Variants in RASSF5 observed in about 807,000 individuals in gnomAD.
RASSF5 encodes the protein ras association domain-containing protein 5.
Under a neutral mutation model 40.5 loss-of-function variants are expected in RASSF5, and 25 were observed. The ratio of observed to expected loss-of-function variants is 0.62; its 90% CI spans 0.45 to 0.86. The LOEUF (loss-of-function observed/expected upper bound fraction) is 0.86. Among genes scored for constraint, RASSF5 ranks in the 40% least tolerant of loss-of-function variants. RASSF5 has a pLI of 0.00. For missense variants in RASSF5, 521 were observed against 572.8 expected, an observed-to-expected ratio of 0.91 and a Z score of 0.92; for synonymous variants, 246 against 252.4, an observed-to-expected ratio of 0.97 and a Z score of 0.24.
chr1:206,547,978 A>G (rs1246548961), intron 2 of RASSF5, among the ~76,000 whole-genome samples: 1 of 151,948 alleles, frequency 6.6e-6, no homozygotes, highest in Non-Finnish European at 1.5e-5. Flanking sequence ...TCAACTTTCC[A>G]TGTCTGAAAA....
intron 2 of RASSF5, among the ~76,000 whole-genome samples, chr1:206,541,174 T>G (rs1667536834): frequency 6.6e-6 from 1 of 152,168 alleles, no homozygotes; most frequent in South Asian, 2.1e-4. Context: ...GGATTACAGG[T>G]GTGAGCCACT....
chr1:206,538,237 G>C lies in RASSF5; in HGVS notation c.523G>C (p.Gly175Arg). 6.2e-7 allele frequency: 1 copy of C among 1,614,164 alleles called. No individual in the cohort carries two copies. Among genetic ancestry groups the C allele is most frequent in the Non-Finnish European group, 8.5e-7 (1 of 1,180,032 alleles). Residue 175 changes from glycine (G) to arginine (R), a missense_variant, in exon 2 of 6, where the codon GGT becomes CGT. Gly to Arg is a moderately radical substitution (Grantham distance 125). Coordinates refer to ENST00000579436, the MANE Select transcript of RASSF5 (RefSeq NM_182663.4). ...CCAGTTGGACTGCAGTCAGCAGGAGGGTTTATCCCGGGACAGACCCTCTCC... is the reference window on the plus strand; with the variant it reads ...CCAGTTGGACTGCAGTCAGCAGGAGCGTTTATCCCGGGACAGACCCTCTCC... ...LIQLDCSQQE[G>R]LSRDRPSPES...
At chr1:206,508,123 G>A (rs1666513596) in intron 1 of RASSF5, 64 bp downstream of exon 1, 1 of 1,228,042 alleles carries the variant, frequency 8.1e-7, no homozygotes, top group African/African-American at 1.6e-5. Flanking sequence ...AGGACTGGGA[G>A]GGCCCTGGGG....
intron 2 of RASSF5, among the ~76,000 whole-genome samples, chr1:206,541,491 G>C (rs1177278993): frequency 1.3e-5 from 2 of 152,152 alleles, no homozygotes; most frequent in African/African-American, 4.8e-5. Flanking sequence ...ATCGGAAACA[G>C]GCATCAGAAA....
At chr1:206,510,389 T>A (rs1553394477) in intron 1 of RASSF5, among the ~76,000 whole-genome samples, 1 of 152,172 alleles carries the variant, frequency 6.6e-6, no homozygotes, top group African/African-American at 2.4e-5. Flanking sequence ...TTAAAAAAAA[T>A]AGGATAATGA....
At chr1:206,576,011 G>T (rs1160209098) in intron 2 of RASSF5, among the ~76,000 whole-genome samples, 2 of 152,192 alleles carry the variant, frequency 1.3e-5, no homozygotes, top group African/African-American at 4.8e-5. Flanking sequence ...CAATCAACAG[G>T]TATTTATCTG....
At chr1:206,518,315 G>GGAGCCCTCCCCC (rs1378745507) in intron 1 of RASSF5, 1 of 321,256 alleles carries the variant, frequency 3.1e-6, no homozygotes, top group Non-Finnish European at 5.6e-6. Flanking sequence ...GGCCCTCCCC[G>GGAGCCCTCCCCC]GAGCCCTCCC....
At chr1:206,515,607 C>T (rs1404213443) in intron 1 of RASSF5, among the ~76,000 whole-genome samples, 2 of 152,164 alleles carry the variant, frequency 1.3e-5, no homozygotes, top group Non-Finnish European at 2.9e-5. Flanking sequence ...GGACAATAAT[C>T]TGAAGCTGCC....
chr1:206,524,479 G>A (rs1453741084), intron 1 of RASSF5, among the ~76,000 whole-genome samples: 7 of 133,348 alleles, frequency 5.2e-5, no homozygotes, highest in Non-Finnish European at 9.4e-5. Flanking sequence ...ATATATATAT[G>A]GTTTTTTTTT....
At chr1:206,533,102 C>T (rs1667284528) in intron 1 of RASSF5, among the ~76,000 whole-genome samples, 1 of 152,150 alleles carries the variant, frequency 6.6e-6, no homozygotes, top group African/African-American at 2.4e-5. Context: ...CTCCTGTGTC[C>T]TGTGTAGTTC....
In RASSF5 at chr1:206,584,995, T is replaced by G; in HGVS notation, c.989-185T>G. On this transcript the variant is annotated intron_variant, in intron 4 of 5. Transcript: ENST00000579436. This position sits in a 1 kb window ranked among gnomAD's most constrained non-coding sequence, Gnocchi z 4.9. ...GTGAATGGAATCATGCTTTAAACTC[T>G]GAGCAGACACCCAAGATAAAAGGTT... 3.2e-6 allele frequency: 2 copies of G among 619,860 alleles called. No individual in the cohort carries two copies. The highest frequency in any genetic ancestry group is 5.4e-5 in the East Asian group (2 of 37,004). 38.4% of individuals were successfully genotyped at this position (619,860 alleles called of 1,614,324 possible).
intron 2 of RASSF5, chr1:206,544,800 G>C (rs558961934): frequency 2.0e-4 from 31 of 152,328 alleles, no homozygotes; most frequent in Middle Eastern, 3.4e-3. Context: ...CGCTGGCTTG[G>C]AGTTCTGTGC....
chr1:206,508,234 G>GTATCCTTTAGTGCCTGCCCAC (rs1277932776), intron 1 of RASSF5, among the ~76,000 whole-genome samples, 175 bp downstream of exon 1: 3 of 152,132 alleles, frequency 2.0e-5, no homozygotes, highest in Non-Finnish European at 2.9e-5. Flanking sequence ...TCCCTGCCCG[G>GTATCCTTTAGTGCCTGCCCAC]TATCCTTTAG....
chr1:206,521,789 C>T (rs1433959397), intron 1 of RASSF5, among the ~76,000 whole-genome samples: 6 of 152,338 alleles, frequency 3.9e-5, no homozygotes, highest in South Asian at 2.1e-4. Context: ...CAGGGTCCTC[C>T]GTCTGTCTTC....
chr1:206,550,863 G>A (rs1259186433), intron 2 of RASSF5, among the ~76,000 whole-genome samples: 2 of 152,184 alleles, frequency 1.3e-5, no homozygotes, highest in Non-Finnish European at 2.9e-5. Context: ...TGGGGATTTT[G>A]TGTTGTACCC....
intron 1 of RASSF5, among the ~76,000 whole-genome samples, chr1:206,509,391 C>T (rs928953386): frequency 9.2e-5 from 14 of 152,202 alleles, no homozygotes; most frequent in African/African-American, 3.4e-4. Flanking sequence ...TCCACCAGAA[C>T]CCCCAGTTCA....
At chr1:206,539,502 G>A (rs753819643) in intron 2 of RASSF5, among the ~76,000 whole-genome samples, 8 of 152,132 alleles carry the variant, frequency 5.3e-5, no homozygotes, top group Admixed American at 6.5e-5. Context: ...GTTCCCTCAC[G>A]CCTTTCTCTC....
intron 1 of RASSF5, among the ~76,000 whole-genome samples, chr1:206,515,402 C>A (rs1666723465): frequency 1.3e-5 from 2 of 152,166 alleles, no homozygotes; most frequent in African/African-American, 4.8e-5. Context: ...TCCCACCTCA[C>A]CCCGTAGGTG....
chr1:206,578,233 AGTGTGTGTGTGT>A lies in RASSF5; in HGVS notation c.580-5017_580-5006del, dbSNP rs58059864. ...AGAGGGAGACATCTCAAAAAAAAAA[AGTGTGTGTGTGT>A]GTGTGTGTGTGTGTGTGTAAGTAGA... On this transcript the variant is annotated intron_variant, in intron 2 of 5. Coordinates refer to ENST00000579436, the MANE Select transcript of RASSF5 (RefSeq NM_182663.4). 1.9e-3 allele frequency among the ~76,000 whole-genome samples: 221 copies of A among 117,584 alleles called. 1 individual carries two copies. Among genetic ancestry groups the A allele is most frequent in the Middle Eastern group, 4.2e-3 (1 of 238 alleles). 77.1% of individuals were successfully genotyped at this position (117,584 alleles called of 152,430 possible). A position where few individuals can be genotyped will look rare whatever the true frequency, so the allele number is the denominator to read the frequency against.
Sources: gnomAD v4.1 joint callset for allele counts (sites outside exome capture counted in the v4.1 genomes callset) on GRCh38, gnomAD v4.1.1 for gene constraint, Gnocchi (gnomAD v3.1) non-coding constraint, MANE v1.5 for transcripts, NCBI Gene and HGNC (gene_info 2026-07-23, HGNC 2026-07-21) for gene names.